Variants in PDE6B observed in about 807,000 individuals in gnomAD.
PDE6B encodes rod cGMP-specific 3',5'-cyclic phosphodiesterase subunit beta.
A neutral mutation model predicts 109.0 loss-of-function variants in PDE6B; 106 were observed. The observed-to-expected ratio is 0.97, with a 90% CI of 0.83 to 1.14. The LOEUF (loss-of-function observed/expected upper bound fraction) is 1.14, where lower values mean the gene tolerates loss of function less well. Among genes scored for constraint, PDE6B ranks in the 50% most tolerant of loss-of-function variants. The pLI is 0.00. For missense variants in PDE6B, 1,193 were observed against 1,155.6 expected, an observed-to-expected ratio of 1.03 and a Z score of -0.47; for synonymous variants, 490 against 471.3, an observed-to-expected ratio of 1.04 and a Z score of -0.51.
At chr4:646,161 G>A (rs1735191585) in intron 3 of PDE6B, among the ~76,000 whole-genome samples, 1 of 151,836 alleles carries the variant, frequency 6.6e-6, no homozygotes. Context: ...TTTTCTGCTG[G>A]GCAAGTCCAC....
chr4:656,060 G>A (rs1053960044), intron 7 of PDE6B, 54 bp downstream of exon 7: 200 of 1,185,794 alleles, frequency 1.7e-4, no homozygotes, highest in Non-Finnish European at 2.1e-4. Context: ...TGGGTGCGGC[G>A]ATGTGTGCTT....
chr4:653,860 G>A lies in PDE6B; in HGVS notation c.720G>A (p.Leu240=). The change falls in exon 4 of 22, where the codon CTG becomes CTA. Residue 240 remains leucine (L), a synonymous_variant. Coordinates refer to ENST00000496514, the MANE Select transcript of PDE6B (RefSeq NM_000283.4). ...NCETRRGQVL[L]WSANKVFEEL... Reference sequence around the variant, plus strand: ...TGTGCCCCTCCCTCCAGGTGCTGCTGTGGTCGGCCAACAAGGTGTTTGAGG... The same window carrying A: ...TGTGCCCCTCCCTCCAGGTGCTGCTATGGTCGGCCAACAAGGTGTTTGAGG... The A allele has an allele frequency of 6.2e-7, 1 of 1,613,684 alleles. No individual in the cohort carries two copies. The highest frequency in any genetic ancestry group is 8.5e-7 in the Non-Finnish European group (1 of 1,180,030).
In PDE6B at chr4:625,672, C is replaced by G. The variant is rs1360629462; in HGVS notation, c.46C>G (p.Pro16Ala). The change falls in exon 1 of 22, where the codon CCC becomes GCC. Residue 16 changes from proline (P) to alanine (A), a missense_variant. Transcript: ENST00000496514. The surrounding 1 kb of genome is among the most constrained non-coding windows in gnomAD (Gnocchi z 5.0). ...GGCCCGGAGCTTTCTGGACCAGAACCCCGATTTTGCCCGCCAGTACTTTGG... is the reference window on the plus strand; with the variant it reads ...GGCCCGGAGCTTTCTGGACCAGAACGCCGATTTTGCCCGCCAGTACTTTGG... ...EQARSFLDQNPDFARQYFGKK... is the reference protein window; with the variant it reads ...EQARSFLDQNADFARQYFGKK... 2 of 1,613,826 alleles carry G rather than the reference C, an allele frequency of 1.2e-6. No homozygotes were observed. The highest frequency in any genetic ancestry group is 1.7e-6 in the Non-Finnish European group (2 of 1,180,000).
At chr4:659,592 G>T (rs1479985168) in intron 11 of PDE6B, among the ~76,000 whole-genome samples, 2 of 149,416 alleles carry the variant, frequency 1.3e-5, no homozygotes, top group East Asian at 3.9e-4. Context: ...TGCACATGTG[G>T]GTATGTGTGT....
rs1432531691 is a variant in PDE6B, at chr4:662,806, A to G, written c.1832+188A>G. ...GGAGTTCGAGACCAGCCTGGGCAACATGGCAAGAGCTCTCCTCTACAAAAA... is the reference window on the plus strand; with the variant it reads ...GGAGTTCGAGACCAGCCTGGGCAACGTGGCAAGAGCTCTCCTCTACAAAAA... On this transcript the variant is annotated intron_variant, in intron 14 of 21. Transcript: ENST00000496514. The surrounding 1 kb of genome is among the most constrained non-coding windows in gnomAD (Gnocchi z 4.3). 1.3e-5 allele frequency among the ~76,000 whole-genome samples: 2 copies of G among 150,316 alleles called. No individual in the cohort carries two copies. The highest frequency in any genetic ancestry group is 3.9e-4 in the East Asian group (2 of 5,070).
rs772892793 is a variant in PDE6B at position 633,582 on chromosome 4, G to A, written c.469-1095G>A. Among the ~76,000 whole-genome samples the A allele has an allele frequency of 4.6e-5, 7 of 152,188 alleles. No individual in the cohort carries two copies. Among genetic ancestry groups the A allele is most frequent in the Admixed American group, 1.3e-4 (2 of 15,276 alleles). On this transcript the variant is annotated intron_variant, in intron 1 of 21. Coordinates refer to ENST00000496514, the MANE Select transcript of PDE6B (RefSeq NM_000283.4). This position sits in a 1 kb window ranked among gnomAD's most constrained non-coding sequence, Gnocchi z 4.5. The stretch of plus-strand genomic sequence containing the variant: ...CTAGAAACAGCAGGAGATGTGAGGC[G>A]CATCCCAGGAGCTCCCATTCAGCTG...
intron 3 of PDE6B, among the ~76,000 whole-genome samples, chr4:639,886 G>A (rs575089897): frequency 3.9e-5 from 6 of 152,068 alleles, no homozygotes; most frequent in African/African-American, 9.6e-5. Flanking sequence ...CAGGAGAATC[G>A]CTTGAACCCA....
At chr4:630,580 G>T (rs973227073) in intron 1 of PDE6B, among the ~76,000 whole-genome samples, 1 of 152,216 alleles carries the variant, frequency 6.6e-6, no homozygotes, top group East Asian at 1.9e-4. Flanking sequence ...TGCAAGCCAG[G>T]GTTTGGAGCA....
rs1178726873 is a variant in PDE6B, at chr4:664,956, G to A, written c.2193+12G>A. On this transcript the variant is annotated intron_variant, in intron 18 of 21. Transcript: ENST00000496514. ...AAGTCCAGAGCAAGGTTAGAACAGA[G>A]GGCCCTCCAGACCCAGAGTCAGTGC... 1.9e-6 allele frequency: 3 copies of A among 1,604,666 alleles called. No individual in the cohort carries two copies. Among genetic ancestry groups the A allele is most frequent in the East Asian group, 2.2e-5 (1 of 44,856 alleles).
intron 6 of PDE6B, chr4:655,592 A>T: frequency 2.4e-6 from 1 of 415,336 alleles, no homozygotes; most frequent in Non-Finnish European, 4.5e-6. Context: ...GGAAGAAGGC[A>T]GCACAGCCGT....
intron 6 of PDE6B, 192 bp downstream of exon 6, chr4:655,080 A>G: frequency 1.6e-6 from 1 of 621,588 alleles, no homozygotes; most frequent in East Asian, 2.8e-5. Context: ...AAGCCGACTC[A>G]CTGTTCTGGG....
intron 21 of PDE6B, 60 bp downstream of exon 21, chr4:668,066 A>G: frequency 6.7e-7 from 1 of 1,495,536 alleles, no homozygotes; most frequent in Non-Finnish European, 9.2e-7. Context: ...GCAAAATGAA[A>G]AGACAGGGCA....
intron 1 of PDE6B, among the ~76,000 whole-genome samples, chr4:627,938 C>T (rs1428228931): frequency 6.6e-6 from 1 of 152,022 alleles, no homozygotes; most frequent in Non-Finnish European, 1.5e-5. Context: ...CGTCCCTCGG[C>T]CTGGCCTGTT....
intron 3 of PDE6B, among the ~76,000 whole-genome samples, chr4:651,073 C>T (rs541852777): frequency 4.6e-5 from 7 of 151,054 alleles, no homozygotes; most frequent in Non-Finnish European, 5.9e-5. Flanking sequence ...GCGATGTCAA[C>T]GGCAGTGGGG....
At chr4:657,256 G>A (rs1051264291) in intron 9 of PDE6B, 95 bp from the exon 10 acceptor site, 3 of 1,444,854 alleles carry the variant, frequency 2.1e-6, no homozygotes, top group Non-Finnish European at 2.9e-6. Flanking sequence ...GCAGCCCCAG[G>A]ACCTGCCCGC....
At position 626,067 on chromosome 4, in the gene PDE6B, G is replaced by T; in HGVS notation, c.441G>T (p.Lys147Asn). The change falls in exon 1 of 22, where the codon AAG (lysine) becomes AAT (asparagine). Residue 147 changes from lysine (K) to asparagine (N), a missense_variant. Transcript: ENST00000496514. The surrounding 1 kb of genome is among the most constrained non-coding windows in gnomAD (Gnocchi z 4.6). ...GVVGHVAQTK[K>N]MVNVEDVAEC... ...TGGGCCACGTGGCTCAGACCAAAAAGATGGTGAACGTCGAGGACGTGGCCG... is the reference window on the plus strand; with the variant it reads ...TGGGCCACGTGGCTCAGACCAAAAATATGGTGAACGTCGAGGACGTGGCCG... The T allele has an allele frequency of 1.9e-6, 3 of 1,594,974 alleles. No individual in the cohort carries two copies. The highest frequency in any genetic ancestry group is 2.6e-6 in the Non-Finnish European group (3 of 1,171,246).
chr4:662,116 T>C lies in PDE6B; in HGVS notation c.1615-18T>C. ...ACACGCTTGCCGCCGGAGCCCTGTG[T>C]CCTCTCGGCTCCCCCAGGTCCTGGT... On this transcript the variant is annotated intron_variant, in intron 12 of 21. Coordinates refer to ENST00000496514, the MANE Select transcript of PDE6B (RefSeq NM_000283.4). The surrounding 1 kb of genome is among the most constrained non-coding windows in gnomAD (Gnocchi z 4.3). The C allele has an allele frequency of 9.1e-6, 12 of 1,320,108 alleles. No individual in the cohort carries two copies. The highest frequency in any genetic ancestry group is 1.3e-5 in the Non-Finnish European group (12 of 934,706). 81.8% of individuals were successfully genotyped at this position (1,320,108 alleles called of 1,614,324 possible).
chr4:652,046 C>T, intron 3 of PDE6B: 1 of 18,752 alleles, frequency 5.3e-5, no homozygotes, highest in Non-Finnish European at 1.8e-4. Context: ...AGTGTGGAGG[C>T]CAGTGAGGAG....
rs781650518 is a variant in PDE6B, at chr4:657,410, C to G, written c.1317C>G (p.Asn439Lys). 5.0e-6 allele frequency: 8 copies of G among 1,613,220 alleles called. No individual in the cohort carries two copies. In the East Asian group the frequency reaches 1.6e-4, roughly 31 times the overall value. Residue 439 changes from asparagine to lysine, a missense_variant, in exon 10 of 22, where the codon AAC becomes AAG. Transcript: ENST00000496514. ...ACACCGACACCTACGACAAGATGAA[C>G]AAGCTGGAGAACCGCAAGGACATCG... ...VMNTDTYDKMNKLENRKDIAQ... is the reference protein window; with the variant it reads ...VMNTDTYDKMKKLENRKDIAQ...
Sources: gnomAD v4.1 joint callset for allele counts (sites outside exome capture counted in the v4.1 genomes callset) on GRCh38, gnomAD v4.1.1 for gene constraint, Gnocchi (gnomAD v3.1) non-coding constraint, MANE v1.5 for transcripts, NCBI Gene and HGNC (gene_info 2026-07-23, HGNC 2026-07-21) for gene names.